INPP4B: variants seen among roughly 807,000 people sequenced by gnomAD.
INPP4B encodes inositol polyphosphate 4-phosphatase type II.
Under a neutral mutation model 122.5 loss-of-function variants are expected in INPP4B, and 55 were observed. That is an observed-to-expected ratio of 0.45 (90% CI 0.36 to 0.56). INPP4B has a LOEUF of 0.56. Among genes scored for constraint, INPP4B ranks in the 20% least tolerant of loss-of-function variants. The pLI, the probability that INPP4B is intolerant of heterozygous loss-of-function variation, is 0.00. For synonymous variants in INPP4B, 403 were observed against 388.7 expected, an observed-to-expected ratio of 1.04 and a Z score of -0.43; for missense variants, 1,000 against 1,097.7, an observed-to-expected ratio of 0.91 and a Z score of 1.26.
intron 25 of INPP4B, among the ~76,000 whole-genome samples, chr4:142,032,879 T>C (rs1741237268): frequency 6.6e-6 from 1 of 152,044 alleles, no homozygotes; most frequent in Non-Finnish European, 1.5e-5. Context: ...TATCAATAAA[T>C]AGGTACATCT....
rs111462576 is a variant in INPP4B, at chr4:142,327,464, G to A, written c.373-12702C>T. On this transcript the variant is annotated intron_variant, in intron 7 of 25. Transcript: ENST00000262992. Reference sequence around the variant, plus strand: ...AATCGAAAAAAAAAAAAGTATATGGGCATGGAGTGGAGGGGCTTTCAAGGT... The same window carrying A: ...AATCGAAAAAAAAAAAAGTATATGGACATGGAGTGGAGGGGCTTTCAAGGT... Among the ~76,000 whole-genome samples, 1,405 of 152,112 alleles carry A rather than the reference G, an allele frequency of 9.2e-3. 24 individuals carry two copies. The highest frequency in any genetic ancestry group is 0.032 in the African/African-American group (1,322 of 41,476).
At chr4:142,670,863 C>A (rs917688992) in intron 2 of INPP4B, among the ~76,000 whole-genome samples, 1 of 152,098 alleles carries the variant, frequency 6.6e-6, no homozygotes, top group Non-Finnish European at 1.5e-5. Context: ...TAGAATCAGT[C>A]ATTCCACAAA....
At chr4:142,360,876 A>C (rs1300932261) in intron 7 of INPP4B, among the ~76,000 whole-genome samples, 1 of 151,988 alleles carries the variant, frequency 6.6e-6, no homozygotes. Flanking sequence ...AATCTGTATC[A>C]GTACTTTTGT....
intron 2 of INPP4B, among the ~76,000 whole-genome samples, chr4:142,719,417 G>T (rs184201760): frequency 6.6e-6 from 1 of 151,786 alleles, no homozygotes; most frequent in Non-Finnish European, 1.5e-5. Context: ...TCAACCTCTC[G>T]GGGGTTAGGT....
chr4:142,697,697 A>G (rs1421451876), intron 2 of INPP4B, among the ~76,000 whole-genome samples: 2 of 152,218 alleles, frequency 1.3e-5, no homozygotes, highest in African/African-American at 4.8e-5. Context: ...AAGGAACTGA[A>G]GAAAATGCAG....
intron 9 of INPP4B, among the ~76,000 whole-genome samples, chr4:142,272,906 G>A (rs559694291): frequency 6.6e-6 from 1 of 151,976 alleles, no homozygotes; most frequent in Non-Finnish European, 1.5e-5. Context: ...GGCAAGCTAA[G>A]TTAGCTTAAT....
intron 3 of INPP4B, among the ~76,000 whole-genome samples, chr4:142,432,137 T>C (rs1480025113): frequency 6.6e-6 from 1 of 152,142 alleles, no homozygotes; most frequent in Non-Finnish European, 1.5e-5. Flanking sequence ...TTTTTATATT[T>C]AACATGATAT....
chr4:142,050,816 TG>T (rs1346565809), intron 25 of INPP4B, among the ~76,000 whole-genome samples: 1 of 152,038 alleles, frequency 6.6e-6, no homozygotes, highest in Non-Finnish European at 1.5e-5. Flanking sequence ...GGCTCCAGGA[TG>T]GACCACCATG....
Position 142,260,608 on chromosome 4 carries a change from C to G in INPP4B, c.616-44G>C, listed in dbSNP as rs1168363826. 3.3e-6 allele frequency: 4 copies of G among 1,221,048 alleles called. No individual in the cohort carries two copies. The African/African-American group carries it at 6.3e-5, about 19-fold the overall frequency. The allele number at this position is 1,221,048 out of a possible 1,614,324, so 75.6% of individuals were successfully genotyped here. A position where few individuals can be genotyped will look rare whatever the true frequency, so the allele number is the denominator to read the frequency against. On this transcript the variant is annotated intron_variant, in intron 10 of 25. Transcript: ENST00000262992. Reference sequence around the variant, plus strand: ...AAAAAAAAAAAATTTTGAGAACAATCAAAATAAGGAATGATATTATTTTAT... The same window carrying G: ...AAAAAAAAAAAATTTTGAGAACAATGAAAATAAGGAATGATATTATTTTAT...
At chr4:142,163,006 G>A (rs890082679) in intron 16 of INPP4B, among the ~76,000 whole-genome samples, 2 of 151,708 alleles carry the variant, frequency 1.3e-5, no homozygotes, top group Non-Finnish European at 2.9e-5. Flanking sequence ...TTTTTGACCA[G>A]CACTACTTAG....
intron 7 of INPP4B, among the ~76,000 whole-genome samples, chr4:142,378,642 C>T (rs1349090852): frequency 7.2e-5 from 11 of 152,170 alleles, no homozygotes; most frequent in Non-Finnish European, 1.6e-4. Context: ...GAGAATATGT[C>T]TCTGAATATT....
intron 12 of INPP4B, among the ~76,000 whole-genome samples, chr4:142,216,199 C>G (rs1490712854): frequency 6.6e-6 from 1 of 152,120 alleles, no homozygotes; most frequent in African/African-American, 2.4e-5. Flanking sequence ...CACATACAAT[C>G]TCATGAATTC....
intron 1 of INPP4B, among the ~76,000 whole-genome samples, chr4:142,801,405 T>C (rs1042882810): frequency 6.6e-6 from 1 of 152,100 alleles, no homozygotes; most frequent in Non-Finnish European, 1.5e-5. Flanking sequence ...CCAATCTGAC[T>C]GGAGTCATAA....
At chr4:142,377,935 AC>A in intron 7 of INPP4B, among the ~76,000 whole-genome samples, 1 of 152,226 alleles carries the variant, frequency 6.6e-6, no homozygotes, top group South Asian at 2.1e-4. Context: ...ACCATAAGCA[AC>A]CTTTTGGAGT....
intron 9 of INPP4B, among the ~76,000 whole-genome samples, chr4:142,302,417 C>T (rs1355458456): frequency 6.6e-6 from 1 of 152,088 alleles, no homozygotes; most frequent in East Asian, 1.9e-4. Flanking sequence ...TTGAAAGAGA[C>T]AAAATGTCGG....
intron 2 of INPP4B, among the ~76,000 whole-genome samples, chr4:142,707,927 T>G (rs927979216): frequency 2.0e-5 from 3 of 152,178 alleles, no homozygotes; most frequent in Non-Finnish European, 4.4e-5. Context: ...ACTTGTTAAA[T>G]TATTGTGGCC....
At position 142,347,580 on chromosome 4, in the gene INPP4B, TTTTCA is replaced by T. The variant is rs778778357; in HGVS notation, c.373-32823_373-32819del. 1.6e-4 allele frequency: 61 copies of T among 383,524 alleles called. No homozygotes were observed. In the Middle Eastern group the frequency reaches 2.9e-3, roughly 18 times the overall value. The allele number at this position is 383,524 out of a possible 1,614,324, so 23.8% of individuals were successfully genotyped here. On this transcript the variant is annotated intron_variant, in intron 7 of 25. Transcript: ENST00000262992. ...AACTGAATTAGAAAAGATGCTATTA[TTTTCA>T]TTTAATTTCCAACTTGGAAATATCA...
At chr4:142,380,658 T>A (rs926558069) in intron 7 of INPP4B, among the ~76,000 whole-genome samples, 6 of 152,114 alleles carry the variant, frequency 3.9e-5, no homozygotes, top group Admixed American at 2.0e-4. Context: ...TATGCTATTA[T>A]TTCATATTTT....
At chr4:142,722,234 G>A (rs4690725) in intron 2 of INPP4B, among the ~76,000 whole-genome samples, 112,202 of 152,064 alleles carry the variant, frequency 0.74, 41,530 homozygotes, top group East Asian at 0.84. Flanking sequence ...AGGGAGAAAG[G>A]GAGTTGTAAT....
Sources: allele counts gnomAD v4.1 joint callset (sites outside exome capture counted in the v4.1 genomes callset), GRCh38; gene constraint gnomAD v4.1.1; transcripts MANE v1.5; gene names NCBI Gene and HGNC (gene_info 2026-07-23, HGNC 2026-07-21).